Variants in MTMR3 observed in about 807,000 individuals in gnomAD.
MTMR3 encodes myotubularin related protein 3, also known as phosphatidylinositol-3,5-bisphosphate 3-phosphatase MTMR3.
A neutral mutation model predicts 132.4 loss-of-function variants in MTMR3; 32 were observed. That is an observed-to-expected ratio of 0.24 (90% confidence interval 0.18 to 0.32). The LOEUF (loss-of-function observed/expected upper bound fraction) is 0.32, where lower values mean the gene tolerates loss of function less well. Ranked by LOEUF, MTMR3 falls within the 10% of genes least tolerant of loss-of-function variation. The pLI, the probability that MTMR3 is intolerant of heterozygous loss-of-function variation, is 1.00. For missense variants in MTMR3, 1,216 were observed against 1,489.6 expected (o/e 0.82, Z 3.02); for synonymous variants, 556 against 550.3 (o/e 1.01, Z -0.14).
intron 2 of MTMR3, among the ~76,000 whole-genome samples, chr22:29,969,340 C>A (rs1165535014): frequency 6.6e-6 from 1 of 152,076 alleles, no homozygotes; most frequent in Non-Finnish European, 1.5e-5. Flanking sequence ...CCACTCAAAT[C>A]CTATGGGCAG....
Position 29,949,126 on chromosome 22 carries a change from CACACACACACACACACA to C in MTMR3, c.-137-7909_-137-7893del, listed in dbSNP as rs1569019536. On this transcript the variant is annotated intron_variant, in intron 1 of 19. Transcript: ENST00000401950. ...ACACACACACACACACACACACACA[CACACACACACACACACA>C]CCCCCCCCCCCCCCCCCGAGGCCCT... Among the ~76,000 whole-genome samples, 384 of 40,024 alleles carry C rather than the reference CACACACACACACACACA, an allele frequency of 9.6e-3. 12 individuals are homozygous for C. Among genetic ancestry groups the C allele is most frequent in the African/African-American group, 0.042 (348 of 8,344 alleles). The allele number at this position is 40,024 out of a possible 152,430, so 26.3% of individuals were successfully genotyped here.
At position 30,016,674 on chromosome 22, in the gene MTMR3, A is replaced by G. The variant is rs768023879; in HGVS notation, c.1650A>G (p.Leu550=). 5.0e-6 allele frequency: 8 copies of G among 1,613,904 alleles called. No individual in the cohort carries two copies. The highest frequency in any genetic ancestry group is 2.2e-5 in the East Asian group (1 of 44,884). The change falls in exon 15 of 20, where the codon CTA becomes CTG. Residue 550 remains leucine, a synonymous_variant. Transcript: ENST00000401950. ...LRAGNKAFKN[L]LYSSQSEAVL... is the part of the protein sequence containing the mutation. Reference sequence around the variant, plus strand: ...CAGGCAACAAGGCTTTCAAAAACCTACTGTATTCCTCTCAGTCAGAAGCCG... The same window carrying G: ...CAGGCAACAAGGCTTTCAAAAACCTGCTGTATTCCTCTCAGTCAGAAGCCG...
intron 7 of MTMR3, chr22:29,994,115 A>C (rs2067015148): frequency 2.0e-6 from 2 of 985,298 alleles, no homozygotes; most frequent in East Asian, 1.1e-4. Context: ...TAAATGTTTA[A>C]GTGCCCCCTA....
chr22:29,928,962 T>A (rs2065584240), intron 1 of MTMR3, among the ~76,000 whole-genome samples: 1 of 152,158 alleles, frequency 6.6e-6, no homozygotes, highest in Admixed American at 6.5e-5. Flanking sequence ...TTAGCAGTTT[T>A]ACCATTATCA....
chr22:29,949,134 CA>C (rs2066014062), intron 1 of MTMR3, among the ~76,000 whole-genome samples: 5 of 42,564 alleles, frequency 1.2e-4, no homozygotes, highest in East Asian at 1.2e-3. Context: ...CACACACACA[CA>C]CACACACACC....
At chr22:30,018,257 C>A in intron 16 of MTMR3, 185 bp downstream of exon 16, 1 of 633,564 alleles carries the variant, frequency 1.6e-6, no homozygotes, top group Non-Finnish European at 2.5e-6. Context: ...ATCCTTGTTT[C>A]TGGGAGTGAG....
intron 7 of MTMR3, chr22:29,993,708 G>T: frequency 6.6e-6 from 1 of 152,152 alleles, no homozygotes; most frequent in Non-Finnish European, 1.5e-5. Context: ...AAACTCTTAG[G>T]ATATTCCTGA....
intron 1 of MTMR3, among the ~76,000 whole-genome samples, chr22:29,950,875 G>A (rs1602546862): frequency 7.3e-6 from 1 of 137,354 alleles, no homozygotes; most frequent in South Asian, 2.1e-4. Flanking sequence ...AAAGTGGGCC[G>A]GGCGCAGTGG....
chr22:29,916,938 C>T (rs1035898371), intron 1 of MTMR3, among the ~76,000 whole-genome samples: 4 of 152,148 alleles, frequency 2.6e-5, no homozygotes, highest in African/African-American at 9.7e-5. Flanking sequence ...ATCTCACTGC[C>T]CCCTGTAACT....
intron 5 of MTMR3, chr22:29,979,666 A>G (rs1318398004): frequency 6.6e-6 from 1 of 152,466 alleles, no homozygotes; most frequent in East Asian, 1.9e-4. Flanking sequence ...TAAAGGCTGA[A>G]TGGGCTTTTA....
chr22:29,893,667 G>A (rs2043296678), intron 1 of MTMR3, among the ~76,000 whole-genome samples: 1 of 151,824 alleles, frequency 6.6e-6, no homozygotes, highest in Non-Finnish European at 1.5e-5. Context: ...TTTGGTAAAT[G>A]AACTAAGACA....
chr22:30,007,401 C>T, intron 10 of MTMR3, 82 bp downstream of exon 10: 1 of 1,324,038 alleles, frequency 7.6e-7, no homozygotes, highest in Non-Finnish European at 1.1e-6. Context: ...CCTTACAAGA[C>T]ATAGATTTAC....
intron 1 of MTMR3, among the ~76,000 whole-genome samples, chr22:29,938,970 C>T (rs2065803684): frequency 6.6e-6 from 1 of 151,912 alleles, no homozygotes; most frequent in Non-Finnish European, 1.5e-5. Flanking sequence ...TACAGGCACC[C>T]GCCACCACGC....
At chr22:29,970,628 C>T (rs1385423971) in intron 2 of MTMR3, among the ~76,000 whole-genome samples, 2 of 150,350 alleles carry the variant, frequency 1.3e-5, no homozygotes, top group Non-Finnish European at 2.9e-5. Context: ...ATTAAGCCAC[C>T]TTGCCTGGCC....
At chr22:29,994,231 C>A in intron 7 of MTMR3, 1 of 697,134 alleles carries the variant, frequency 1.4e-6, no homozygotes, top group Non-Finnish European at 1.8e-6. Context: ...TTGTTTCTTC[C>A]CAGTATACAC....
Position 29,988,868 on chromosome 22 carries a change from A to G in MTMR3, c.293+306A>G, listed in dbSNP as rs77462133. ...TTGTTAACATTTTACCATTTGCTTT[A>G]TTATTTGCAGAGGCGTGTGTGTATG... On this transcript the variant is annotated intron_variant, in intron 6 of 19. Transcript: ENST00000401950. The G allele has an allele frequency of 3.9e-3, 698 of 177,612 alleles. 6 individuals carry two copies. The highest frequency in any genetic ancestry group is 0.015 in the African/African-American group (654 of 42,228). 11.0% of individuals were successfully genotyped at this position (177,612 alleles called of 1,614,324 possible).
chr22:30,020,679 C>A lies in MTMR3; in HGVS notation c.3020C>A (p.Pro1007His), dbSNP rs760668630. Residue 1007 changes from proline (P) to histidine (H), a missense_variant, in exon 17 of 20, where the codon CCC becomes CAC. By Grantham distance (77) the Pro-to-His change is moderately conservative. This residue lies in a region of MTMR3 where 852 missense variants were observed against 852.0 expected (regional missense o/e 1.00). Coordinates refer to ENST00000401950, the MANE Select transcript of MTMR3 (RefSeq NM_021090.4). Reference protein sequence around the residue: ...HSGRPSATSSPDQPSRSHLDD... With the variant: ...HSGRPSATSSHDQPSRSHLDD... ...GGAAGGCCATCTGCAACCAGCAGCC[C>A]CGACCAGCCTTCCCGCAGCCACCTG... is the stretch of plus-strand genomic sequence containing the variant. 7.4e-6 allele frequency: 12 copies of A among 1,614,210 alleles called. No homozygotes were observed. Among genetic ancestry groups the A allele is most frequent in the Non-Finnish European group, 1.0e-5 (12 of 1,180,034 alleles).
intron 3 of MTMR3, among the ~76,000 whole-genome samples, chr22:29,971,490 T>G (rs6006318): frequency 0.047 from 7,128 of 152,196 alleles, 562 homozygotes; most frequent in African/African-American, 0.16. Flanking sequence ...AAATTACATA[T>G]ATATTGTGTA....
intron 10 of MTMR3, chr22:30,007,535 C>T: frequency 1.7e-6 from 1 of 605,322 alleles, no homozygotes; most frequent in South Asian, 2.0e-5. Flanking sequence ...TGTTTGTTGT[C>T]TTTCTTGCCA....
Sources: gnomAD v4.1 joint callset for allele counts (sites outside exome capture counted in the v4.1 genomes callset) on GRCh38, gnomAD v4.1.1 for gene constraint, gnomAD v4.1.1 regional missense constraint, MANE v1.5 for transcripts, NCBI Gene and HGNC (gene_info 2026-07-23, HGNC 2026-07-21) for gene names.